Variants in METTL15 observed in about 807,000 individuals in gnomAD.
The protein encoded by METTL15 is 12S rRNA N(4)-cytidine methyltransferase METTL15.
A neutral mutation model predicts 38.3 loss-of-function variants in METTL15; 34 were observed. That is an observed-to-expected ratio of 0.89 (90% CI 0.68 to 1.18). The LOEUF (loss-of-function observed/expected upper bound fraction) is 1.18, where lower values mean the gene tolerates loss of function less well. Among genes scored for constraint, METTL15 ranks in the 50% most tolerant of loss-of-function variants. The probability of loss-of-function intolerance (pLI) is 0.00; values close to 1 mark genes in which losing one functional copy is unlikely to be tolerated. For synonymous variants in METTL15, 162 were observed against 170.9 expected (o/e 0.95, Z 0.41); for missense variants, 438 against 498.4 (o/e 0.88, Z 1.15).
intron 6 of METTL15, among the ~76,000 whole-genome samples, chr11:28,298,709 G>T (rs184839965): frequency 1.3e-5 from 2 of 151,840 alleles, no homozygotes; most frequent in African/African-American, 4.8e-5. Context: ...ATTCATATAT[G>T]GTAAATAAAA....
rs577184503 is a variant in METTL15 at position 28,376,726 on chromosome 11, C to T, written c.*358+14690C>T. On this transcript the variant is annotated intron_variant and NMD_transcript_variant, in intron 5 of 7. Coordinates refer to the METTL15 transcript ENST00000532947. Reference sequence around the variant, plus strand: ...TATGATGTTAGCTGGTTATTTTGCTCGTTAGTTGATGCAGTTTCTTCGTAG... The same window carrying T: ...TATGATGTTAGCTGGTTATTTTGCTTGTTAGTTGATGCAGTTTCTTCGTAG... Among the ~76,000 whole-genome samples the T allele has an allele frequency of 8.0e-5, 12 of 150,160 alleles. No individual in the cohort carries two copies. In the South Asian group the frequency reaches 1.3e-3, roughly 16 times the overall value.
intron 3 of METTL15, among the ~76,000 whole-genome samples, chr11:28,342,190 C>T (rs183429062): frequency 1.3e-5 from 2 of 152,248 alleles, no homozygotes; most frequent in Admixed American, 1.3e-4. Context: ...GTTCTAGAAG[C>T]CCAGGTGTAT....
chr11:28,340,082 C>A (rs1849936423), intron 3 of METTL15, among the ~76,000 whole-genome samples: 1 of 151,854 alleles, frequency 6.6e-6, no homozygotes, highest in East Asian at 1.9e-4. Context: ...GCTGAAGGGT[C>A]AGGAGATAGA....
At chr11:28,346,494 G>A (rs1327775172) in intron 3 of METTL15, among the ~76,000 whole-genome samples, 1 of 152,038 alleles carries the variant, frequency 6.6e-6, no homozygotes, top group African/African-American at 2.4e-5. Flanking sequence ...CTCCAAACCT[G>A]GTAAAATGAG....
intron 3 of METTL15, among the ~76,000 whole-genome samples, chr11:28,141,879 A>G (rs1849710336): frequency 6.6e-6 from 1 of 152,166 alleles, no homozygotes; most frequent in Non-Finnish European, 1.5e-5. Context: ...TCCATCCTGA[A>G]CAAAGAGGAG....
At chr11:28,455,677 G>A (rs958962564) in intron 6 of METTL15, among the ~76,000 whole-genome samples, 3 of 152,058 alleles carry the variant, frequency 2.0e-5, no homozygotes, top group African/African-American at 7.2e-5. Context: ...TACTAGTCAT[G>A]GTGATACTGC....
chr11:28,428,685 A>T (rs1240241266), intron 6 of METTL15, among the ~76,000 whole-genome samples: 4 of 152,206 alleles, frequency 2.6e-5, no homozygotes, highest in Non-Finnish European at 5.9e-5. Flanking sequence ...TCTATATCTG[A>T]CATAGGGGCT....
intron 5 of METTL15, among the ~76,000 whole-genome samples, chr11:28,387,439 C>T (rs1055098462): frequency 2.0e-5 from 3 of 151,570 alleles, no homozygotes; most frequent in African/African-American, 7.3e-5. Flanking sequence ...AACTGGATAA[C>T]CTAGAAGAAA....
chr11:28,219,560 T>C (rs1346941646), intron 4 of METTL15, among the ~76,000 whole-genome samples: 1 of 152,202 alleles, frequency 6.6e-6, no homozygotes, highest in Admixed American at 6.5e-5. Flanking sequence ...CTCTAACTCC[T>C]TCAGTTCTGC....
chr11:28,480,762 G>A (rs1211906792), intron 6 of METTL15, among the ~76,000 whole-genome samples: 1 of 152,182 alleles, frequency 6.6e-6, no homozygotes, highest in Non-Finnish European at 1.5e-5. Context: ...ATTCTCATTT[G>A]AAGGCTGTGT....
At chr11:28,236,084 G>T (rs1005486423) in intron 4 of METTL15, among the ~76,000 whole-genome samples, 103 of 152,172 alleles carry the variant, frequency 6.8e-4, no homozygotes, top group African/African-American at 2.3e-3. Context: ...TTTGTCTTTG[G>T]TTCTGTGTAT....
intron 3 of METTL15, among the ~76,000 whole-genome samples, chr11:28,149,903 C>T (rs1564746): frequency 1 from 151,637 of 152,070 alleles, 75,603 homozygotes; most frequent in Middle Eastern, 1. Context: ...TCTGAGATGC[C>T]TTGCAATTGG....
intron 3 of METTL15, among the ~76,000 whole-genome samples, chr11:28,121,040 A>G (rs1470923741): frequency 6.6e-6 from 1 of 152,000 alleles, no homozygotes; most frequent in African/African-American, 2.4e-5. Context: ...CATTCCAATT[A>G]TATTATTTTA....
chr11:28,174,172 A>G (rs1337899197), intron 3 of METTL15, among the ~76,000 whole-genome samples: 1 of 152,206 alleles, frequency 6.6e-6, no homozygotes, highest in East Asian at 1.9e-4. Flanking sequence ...TTTTCTACAC[A>G]GGCAATTCGT....
In METTL15 at chr11:28,433,134, C is replaced by T. The variant is rs554170728; in HGVS notation, c.*424+8770C>T. Among the ~76,000 whole-genome samples the T allele has an allele frequency of 2.0e-5, 3 of 151,218 alleles. No homozygotes were observed. In the South Asian group the frequency reaches 6.3e-4, roughly 32 times the overall value. Reference sequence around the variant, plus strand: ...AAATCCAAAGTTTCCTTGCCTTCGCCTTGCAGGACTTCTCTCAGGTTTTGT... The same window carrying T: ...AAATCCAAAGTTTCCTTGCCTTCGCTTTGCAGGACTTCTCTCAGGTTTTGT... On this transcript the variant is annotated intron_variant and NMD_transcript_variant, in intron 6 of 7. Transcript: ENST00000532947.
chr11:28,168,648 T>C (rs1478596085), intron 3 of METTL15, among the ~76,000 whole-genome samples: 1 of 139,716 alleles, frequency 7.2e-6, no homozygotes, highest in Non-Finnish European at 1.5e-5. Context: ...CCTGTGATGC[T>C]TTTTGTTAAG....
intron 3 of METTL15, among the ~76,000 whole-genome samples, chr11:28,195,954 G>T (rs982338035): frequency 2.8e-4 from 43 of 152,046 alleles, no homozygotes; most frequent in African/African-American, 9.9e-4. Context: ...CTTGAATAGG[G>T]TGCCCCTTTC....
chr11:28,129,419 T>G (rs1451532282), intron 3 of METTL15, among the ~76,000 whole-genome samples: 1 of 151,972 alleles, frequency 6.6e-6, no homozygotes, highest in Non-Finnish European at 1.5e-5. Context: ...TTTTTTTTTT[T>G]TTTCTTTTGA....
At chr11:28,216,831 G>C (rs1182725864) in intron 4 of METTL15, among the ~76,000 whole-genome samples, 3 of 151,108 alleles carry the variant, frequency 2.0e-5, no homozygotes, top group Non-Finnish European at 2.9e-5. Flanking sequence ...CTGTCCTTGC[G>C]ATAGTTTGCT....
Sources: allele counts gnomAD v4.1 joint callset (sites outside exome capture counted in the v4.1 genomes callset), GRCh38; gene constraint gnomAD v4.1.1; transcripts MANE v1.5; gene names NCBI Gene and HGNC (gene_info 2026-07-23, HGNC 2026-07-21).